Variants in RBFOX1 observed in about 807,000 individuals in gnomAD.
RBFOX1 encodes RNA binding protein fox-1 homolog 1.
RBFOX1 carries 8 observed loss-of-function variants against 57.7 expected under a neutral mutation model. That is an observed-to-expected ratio of 0.14 (90% confidence interval 0.08 to 0.25). The LOEUF (loss-of-function observed/expected upper bound fraction) is 0.25, where lower values mean the gene tolerates loss of function less well. Ranked by LOEUF, RBFOX1 falls within the 10% of genes least tolerant of loss-of-function variation. The pLI, the probability that RBFOX1 is intolerant of heterozygous loss-of-function variation, is 1.00. For missense variants in RBFOX1, 611 were observed against 548.5 expected (o/e 1.11, Z -1.14); for synonymous variants, 326 against 222.4 (o/e 1.47, Z -4.15).
chr16:6,289,620 A>C (rs919562169), intron 1 of RBFOX1, among the ~76,000 whole-genome samples: 1 of 152,134 alleles, frequency 6.6e-6, no homozygotes, highest in African/African-American at 2.4e-5. Flanking sequence ...ATATCTGTTT[A>C]ATCCACAAAC....
intron 4 of RBFOX1, among the ~76,000 whole-genome samples, chr16:7,269,245 C>T (rs1317672836): frequency 2.6e-5 from 4 of 151,986 alleles, no homozygotes; most frequent in Non-Finnish European, 5.9e-5. Flanking sequence ...GTGCTTCCTG[C>T]TAGACATAGA....
intron 11 of RBFOX1, among the ~76,000 whole-genome samples, chr16:7,644,193 G>C (rs1216051632): frequency 2.6e-5 from 4 of 152,146 alleles, no homozygotes; most frequent in African/African-American, 9.7e-5. Context: ...ACCGCTGGGT[G>C]AGTATCTGAG....
At chr16:5,896,949 A>G (rs527368693) in intron 4 of RBFOX1, among the ~76,000 whole-genome samples, 1 of 147,010 alleles carries the variant, frequency 6.8e-6, no homozygotes, top group African/African-American at 2.5e-5. Context: ...TTTGAAAGCT[A>G]CGTTACCCCC....
At chr16:7,062,645 G>C (rs78336229) in intron 4 of RBFOX1, among the ~76,000 whole-genome samples, 8 of 152,248 alleles carry the variant, frequency 5.3e-5, no homozygotes, top group African/African-American at 1.4e-4. Context: ...GGCCAAGGCA[G>C]GACAGTTGAA....
At position 5,765,934 on chromosome 16, in the gene RBFOX1, C is replaced by G. The variant is rs566652310; in HGVS notation, c.319-101369C>G. The stretch of plus-strand genomic sequence containing the variant: ...TGCAGTCTCTGGTGTTCCACCACTA[C>G]CCAGCTACATGGTTACTGCTGTTGC... On this transcript the variant is annotated intron_variant, in intron 3 of 19. Transcript: ENST00000641259. Among the ~76,000 whole-genome samples, 141 of 152,302 alleles carry G rather than the reference C, an allele frequency of 9.3e-4. 1 individual carries two copies. Among genetic ancestry groups the G allele is most frequent in the African/African-American group, 3.3e-3 (138 of 41,556 alleles).
intron 2 of RBFOX1, among the ~76,000 whole-genome samples, chr16:6,647,075 G>T (rs2098540128): frequency 6.6e-6 from 1 of 152,050 alleles, no homozygotes; most frequent in African/African-American, 2.4e-5. Context: ...CAAGATCAAG[G>T]TGCCAGCAGT....
intron 2 of RBFOX1, among the ~76,000 whole-genome samples, chr16:6,448,279 C>T (rs1465291353): frequency 6.9e-6 from 1 of 145,230 alleles, no homozygotes; most frequent in Non-Finnish European, 1.5e-5. Flanking sequence ...CCTATCTTAG[C>T]CTCCCAAGTA....
chr16:6,539,045 T>G (rs1335403304), intron 2 of RBFOX1, among the ~76,000 whole-genome samples: 1 of 151,756 alleles, frequency 6.6e-6, no homozygotes, highest in Non-Finnish European at 1.5e-5. Context: ...ATGATTTGAA[T>G]AAAAGTCCCA....
At chr16:6,703,338 C>A (rs1165932149) in intron 3 of RBFOX1, among the ~76,000 whole-genome samples, 2 of 152,076 alleles carry the variant, frequency 1.3e-5, no homozygotes, top group Non-Finnish European at 2.9e-5. Context: ...CTTAGGGAGG[C>A]TGAGGCAGGA....
intron 3 of RBFOX1, among the ~76,000 whole-genome samples, chr16:6,899,757 A>G (rs951240952): frequency 1.3e-5 from 2 of 152,240 alleles, no homozygotes; most frequent in Non-Finnish European, 2.9e-5. Context: ...CAACATTTAC[A>G]TGAATGAAGT....
chr16:6,622,214 T>C (rs969502896), intron 2 of RBFOX1, among the ~76,000 whole-genome samples: 5 of 152,198 alleles, frequency 3.3e-5, no homozygotes, highest in African/African-American at 1.2e-4. Context: ...TAGGCATCTC[T>C]TAAGTATAGT....
At chr16:5,909,301 C>T (rs1382061145) in intron 4 of RBFOX1, among the ~76,000 whole-genome samples, 1 of 151,986 alleles carries the variant, frequency 6.6e-6, no homozygotes, top group East Asian at 1.9e-4. Context: ...ACTGTGTTAG[C>T]CAGGATGGTC....
intron 4 of RBFOX1, among the ~76,000 whole-genome samples, chr16:5,976,370 T>A (rs1379000837): frequency 6.6e-6 from 1 of 152,130 alleles, no homozygotes; most frequent in Non-Finnish European, 1.5e-5. Flanking sequence ...AAATGTTACA[T>A]AATGTGTTTT....
At chr16:5,251,465 C>T (rs1170103807) in intron 1 of RBFOX1, among the ~76,000 whole-genome samples, 5 of 152,156 alleles carry the variant, frequency 3.3e-5, no homozygotes, top group African/African-American at 7.2e-5. Context: ...GTCTTAGTGC[C>T]GAGCCCAGAG....
At chr16:7,380,666 G>T (rs1017321525) in intron 4 of RBFOX1, among the ~76,000 whole-genome samples, 3 of 152,208 alleles carry the variant, frequency 2.0e-5, no homozygotes, top group Non-Finnish European at 4.4e-5. Context: ...CAAATGTTTT[G>T]TCTTTGCTAG....
intron 3 of RBFOX1, among the ~76,000 whole-genome samples, chr16:5,682,943 G>A (rs2050388796): frequency 6.6e-6 from 1 of 152,262 alleles, no homozygotes; most frequent in East Asian, 1.9e-4. Context: ...GTGAGTCCTG[G>A]CTCTGCCTCT....
chr16:7,471,815 G>C (rs559658275), intron 4 of RBFOX1, among the ~76,000 whole-genome samples: 1 of 152,180 alleles, frequency 6.6e-6, no homozygotes, highest in Non-Finnish European at 1.5e-5. Flanking sequence ...CTGTCTGGGA[G>C]CTCCAGGGCC....
At chr16:6,163,934 A>G (rs550724321) in intron 1 of RBFOX1, among the ~76,000 whole-genome samples, 50 of 152,298 alleles carry the variant, frequency 3.3e-4, no homozygotes, top group Admixed American at 7.8e-4. Flanking sequence ...GAGGTTTACA[A>G]TGTGATGTTA....
At chr16:6,726,570 A>T (rs1383217092) in intron 3 of RBFOX1, among the ~76,000 whole-genome samples, 1 of 152,096 alleles carries the variant, frequency 6.6e-6, no homozygotes, top group Non-Finnish European at 1.5e-5. Flanking sequence ...GAAGGCAAGG[A>T]TGCCTTTAAT....
Sources: allele counts gnomAD v4.1 joint callset (sites outside exome capture counted in the v4.1 genomes callset), GRCh38; gene constraint gnomAD v4.1.1; transcripts MANE v1.5; gene names NCBI Gene and HGNC (gene_info 2026-07-23, HGNC 2026-07-21).